MARCHF1: variants seen among roughly 807,000 people sequenced by gnomAD.
MARCHF1 encodes E3 ubiquitin-protein ligase MARCHF1.
Under a neutral mutation model 54.2 loss-of-function variants are expected in MARCHF1, and 40 were observed. The observed-to-expected ratio is 0.74, with a 90% CI of 0.57 to 0.96. The LOEUF (loss-of-function observed/expected upper bound fraction) is 0.96, where lower values mean the gene tolerates loss of function less well. Among genes scored for constraint, MARCHF1 ranks in the 40% least tolerant of loss-of-function variants. The probability of loss-of-function intolerance (pLI) is 0.00; values close to 1 mark genes in which losing one functional copy is unlikely to be tolerated. For missense variants in MARCHF1, 586 were observed against 656.5 expected, an observed-to-expected ratio of 0.89 and a Z score of 1.17; for synonymous variants, 236 against 236.3, an observed-to-expected ratio of 1.00 and a Z score of 0.01.
At chr4:163,731,214 T>A (rs924139550) in intron 4 of MARCHF1, among the ~76,000 whole-genome samples, 2 of 152,162 alleles carry the variant, frequency 1.3e-5, no homozygotes, top group African/African-American at 4.8e-5. Context: ...AAAAAGTAAT[T>A]CAGGCCACGG....
intron 4 of MARCHF1, among the ~76,000 whole-genome samples, chr4:163,718,864 G>A (rs546591077): frequency 1.9e-4 from 29 of 152,254 alleles, no homozygotes; most frequent in South Asian, 6.2e-4. Context: ...TGTTCCAGCC[G>A]TAGGTGTTAG....
intron 2 of MARCHF1, among the ~76,000 whole-genome samples, chr4:164,049,406 T>C (rs1305728800): frequency 6.6e-6 from 1 of 152,004 alleles, no homozygotes; most frequent in Admixed American, 6.6e-5. Context: ...CCATATCAAT[T>C]CATCTCAACA....
chr4:163,727,557 G>A (rs1036227190), intron 4 of MARCHF1, among the ~76,000 whole-genome samples: 12 of 152,002 alleles, frequency 7.9e-5, no homozygotes, highest in South Asian at 2.1e-4. Flanking sequence ...TGCCCACCTC[G>A]GCCTCCCAAA....
chr4:164,319,293 A>AAATAC (rs1307293593), intron 1 of MARCHF1, among the ~76,000 whole-genome samples: 2 of 152,294 alleles, frequency 1.3e-5, no homozygotes, highest in East Asian at 3.9e-4. Context: ...GTTTATTTAC[A>AAATAC]AATACTACAC....
intron 1 of MARCHF1, among the ~76,000 whole-genome samples, chr4:164,132,740 A>G (rs773175525): frequency 7.2e-5 from 11 of 152,106 alleles, no homozygotes; most frequent in Non-Finnish European, 1.5e-4. Context: ...ATCATTCCAT[A>G]TAGCTTTATA....
At chr4:164,260,491 T>C (rs1305574940) in intron 1 of MARCHF1, among the ~76,000 whole-genome samples, 2 of 152,014 alleles carry the variant, frequency 1.3e-5, no homozygotes, top group Non-Finnish European at 2.9e-5. Context: ...CTTTTTCCAG[T>C]AGCCATTCTA....
intron 4 of MARCHF1, among the ~76,000 whole-genome samples, chr4:163,846,825 A>C (rs1579335703): frequency 6.6e-6 from 1 of 152,118 alleles, no homozygotes; most frequent in South Asian, 2.1e-4. Context: ...AGAAAAACAC[A>C]ATCTTACTTT....
Position 163,628,058 on chromosome 4 carries a change from G to A in MARCHF1, c.163-14665C>T, listed in dbSNP as rs1741934921. ...TAGATGAGGCACTAATAGCACAAAT[G>A]ATAAAATAAACTGTTGATAAATTAG... On this transcript the variant is annotated intron_variant, in intron 5 of 9. Coordinates refer to ENST00000514618, the MANE Select transcript of MARCHF1 (RefSeq NM_001394959.1). Among the ~76,000 whole-genome samples the A allele has an allele frequency of 2.0e-5, 3 of 151,892 alleles. No individual in the cohort carries two copies. The South Asian group carries it at 6.2e-4, about 32-fold the overall frequency.
chr4:164,181,328 T>C (rs1363311886), intron 1 of MARCHF1, among the ~76,000 whole-genome samples: 1 of 152,156 alleles, frequency 6.6e-6, no homozygotes, highest in African/African-American at 2.4e-5. Flanking sequence ...TCTTTTTGTA[T>C]CATATACACA....
intron 2 of MARCHF1, among the ~76,000 whole-genome samples, chr4:164,086,689 C>G (rs1755198804): frequency 6.6e-6 from 1 of 151,974 alleles, no homozygotes; most frequent in Admixed American, 6.6e-5. Context: ...TACTCTACTT[C>G]ATTTTAAGAA....
intron 1 of MARCHF1, among the ~76,000 whole-genome samples, chr4:164,231,966 T>C (rs1402233050): frequency 6.6e-6 from 1 of 152,112 alleles, no homozygotes; most frequent in African/African-American, 2.4e-5. Context: ...AACAAATTCC[T>C]TGAGTTTAAC....
intron 9 of MARCHF1, chr4:163,530,449 C>T (rs575743057): frequency 1.3e-5 from 2 of 151,916 alleles, no homozygotes; most frequent in Non-Finnish European, 1.5e-5. Flanking sequence ...TTATATTTTT[C>T]ACTTGCTTAT....
chr4:163,694,784 T>C (rs115745488), intron 5 of MARCHF1, among the ~76,000 whole-genome samples: 496 of 152,230 alleles, frequency 3.3e-3, no homozygotes, highest in Admixed American at 6.0e-3. Flanking sequence ...ATATATAAAG[T>C]TATGAGGCTA....
rs537720814 is a variant in MARCHF1 at position 163,976,623 on chromosome 4, G to T, written c.-39+11878C>A. Among the ~76,000 whole-genome samples, 6 of 152,198 alleles carry T rather than the reference G, an allele frequency of 3.9e-5. No homozygotes were observed. The East Asian group carries it at 1.2e-3, about 29-fold the overall frequency. On this transcript the variant is annotated intron_variant, in intron 3 of 9. Coordinates refer to ENST00000514618, the MANE Select transcript of MARCHF1 (RefSeq NM_001394959.1). ...GACGTCTGGTGATTTCTGAGGCTAG[G>T]TTATCAAAACGCATTGCAACTTCTG...
intron 5 of MARCHF1, among the ~76,000 whole-genome samples, chr4:163,634,362 C>G (rs549302443): frequency 5.2e-4 from 78 of 150,056 alleles, no homozygotes; most frequent in Middle Eastern, 3.4e-3. Flanking sequence ...ATCTCATGTG[C>G]AGAGACACAC....
At chr4:164,340,412 T>TAC (rs1561008871) in intron 1 of MARCHF1, among the ~76,000 whole-genome samples, 4 of 102,148 alleles carry the variant, frequency 3.9e-5, no homozygotes, top group Non-Finnish European at 5.7e-5. Flanking sequence ...GATTTATATA[T>TAC]AGATATATAT....
intron 4 of MARCHF1, among the ~76,000 whole-genome samples, chr4:163,787,110 A>T (rs1300018972): frequency 6.6e-6 from 1 of 151,938 alleles, no homozygotes; most frequent in Non-Finnish European, 1.5e-5. Context: ...CCAAAGATCT[A>T]AAACTATAAA....
intron 4 of MARCHF1, among the ~76,000 whole-genome samples, chr4:163,787,467 T>C (rs970145171): frequency 1.3e-5 from 2 of 151,660 alleles, no homozygotes; most frequent in Admixed American, 1.3e-4. Flanking sequence ...CAAACACTTG[T>C]AAAGATGCTT....
intron 2 of MARCHF1, among the ~76,000 whole-genome samples, chr4:164,100,174 T>A (rs1353794004): frequency 6.6e-6 from 1 of 152,196 alleles, no homozygotes; most frequent in Non-Finnish European, 1.5e-5. Context: ...AATGAAACTT[T>A]CACAACTACC....
Sources: allele counts gnomAD v4.1 joint callset (sites outside exome capture counted in the v4.1 genomes callset), GRCh38; gene constraint gnomAD v4.1.1; transcripts MANE v1.5; gene names NCBI Gene and HGNC (gene_info 2026-07-23, HGNC 2026-07-21).